Variants in ZNF607 observed in about 807,000 individuals in gnomAD.
ZNF607 encodes zinc finger protein 607.
A neutral mutation model predicts 12.8 loss-of-function variants in ZNF607; 5 were observed. The ratio of observed to expected loss-of-function variants is 0.39; its 90% CI spans 0.20 to 0.82. The LOEUF (loss-of-function observed/expected upper bound fraction) is 0.82, where lower values mean the gene tolerates loss of function less well. Ranked by LOEUF, ZNF607 falls within the 40% of genes least tolerant of loss-of-function variation. The pLI, the probability that ZNF607 is intolerant of heterozygous loss-of-function variation, is 0.39. For missense variants in ZNF607, 851 were observed against 859.2 expected, an observed-to-expected ratio of 0.99 and a Z score of 0.12; for synonymous variants, 287 against 276.2, an observed-to-expected ratio of 1.04 and a Z score of -0.39.
Position 37,698,986 on chromosome 19 carries a change from C to T in ZNF607, c.1145G>A (p.Arg382Gln), listed in dbSNP as rs367919912. Reference protein sequence around the residue: ...KAFSVHGRLTRHQGIHSGKKP... With the variant: ...KAFSVHGRLTQHQGIHSGKKP... The stretch of plus-strand genomic sequence containing the variant: ...CTTACCACTATGAATACCCTGATGT[C>T]GAGTAAGTCGTCCATGCACACTAAA... The change falls in exon 5 of 5, where the codon CGA becomes CAA. Residue 382 changes from arginine (R) to glutamine (Q), a missense_variant. Coordinates refer to ENST00000355202, the MANE Select transcript of ZNF607 (RefSeq NM_032689.5). The T allele has an allele frequency of 3.1e-6, 5 of 1,613,540 alleles. No individual in the cohort carries two copies. The highest frequency in any genetic ancestry group is 2.7e-5 in the African/African-American group (2 of 74,820).
chr19:37,699,155 TG>T lies in ZNF607; in HGVS notation c.975del (p.Met326CysfsTer199). On this transcript the variant is annotated frameshift_variant, in exon 5 of 5. Transcript: ENST00000355202. LOFTEE classifies it low-confidence loss of function (END_TRUNC). ...GKGFTCRYQL[T>X]MHQRIYSGEK... Reference sequence around the variant, plus strand: ...TCCCCTGAATAAATTCTCTGATGCATGGTAAGTTGATACCTACATGTAAAGC... The same window carrying T: ...TCCCCTGAATAAATTCTCTGATGCATGTAAGTTGATACCTACATGTAAAGC... 1.2e-6 allele frequency: 2 copies of T among 1,614,208 alleles called. No individual in the cohort carries two copies. The highest frequency in any genetic ancestry group is 1.7e-6 in the Non-Finnish European group (2 of 1,180,020).
Position 37,699,273 on chromosome 19 carries a change from A to ACATT in ZNF607, c.854_857dup (p.Cys286Ter). On this transcript the variant is annotated stop_gained and frameshift_variant, in exon 5 of 5. Coordinates refer to ENST00000355202, the MANE Select transcript of ZNF607 (RefSeq NM_032689.5). LOFTEE classifies it low-confidence loss of function (END_TRUNC). ...GGGAAAACTGACGAAAGGCCTTTCC[A>ACATT]CATTCCTTACATTCATGTGGCTTCT... 1 of 1,614,066 alleles carries ACATT rather than the reference A, an allele frequency of 6.2e-7. No individual in the cohort carries two copies. The highest frequency in any genetic ancestry group is 8.5e-7 in the Non-Finnish European group (1 of 1,180,008).
chr19:37,697,638 G>A lies in ZNF607; in HGVS notation c.*402C>T, dbSNP rs1202693463. 2 of 366,346 alleles carry A rather than the reference G, an allele frequency of 5.5e-6. No individual in the cohort carries two copies. The highest frequency in any genetic ancestry group is 1.0e-5 in the Non-Finnish European group (2 of 199,656). The allele number at this position is 366,346 out of a possible 1,614,324, so 22.7% of individuals were successfully genotyped here. ...TCCCATCATCGCTTATATCAACAGA[G>A]GTTTCCTGTGTAATGGCTTTTTCCA... On this transcript the variant is annotated 3_prime_UTR_variant, in exon 5 of 5. Transcript: ENST00000355202.
intron 1 of ZNF607, among the ~76,000 whole-genome samples, chr19:37,712,235 C>A (rs759687237): frequency 6.6e-6 from 1 of 152,118 alleles, no homozygotes; most frequent in African/African-American, 2.4e-5. Flanking sequence ...GAGAAAAATT[C>A]AAGGACATGA....
chr19:37,708,290 G>A (rs1327913518), intron 3 of ZNF607, among the ~76,000 whole-genome samples: 1 of 151,538 alleles, frequency 6.6e-6, no homozygotes, highest in Non-Finnish European at 1.5e-5. Flanking sequence ...CCGCCTCCCA[G>A]GTTAAAGTGA....
chr19:37,699,869 T>C lies in ZNF607; in HGVS notation c.262A>G (p.Ser88Gly). The C allele has an allele frequency of 6.3e-7, 1 of 1,593,298 alleles. No homozygotes were observed. Among genetic ancestry groups the C allele is most frequent in the Non-Finnish European group, 8.5e-7 (1 of 1,171,096 alleles). ...CTATAAAGCTGCATTTTCCCATCGC[T>C]GATTATTTCACATCTTGAATCCAAA... ...TDLDSRCEII[S>G]DGKMQLYRKH... Residue 88 changes from serine (S) to glycine (G), a missense_variant, in exon 5 of 5, where the codon AGC becomes GGC. Ser to Gly is a moderately conservative substitution (Grantham distance 56). Coordinates refer to ENST00000355202, the MANE Select transcript of ZNF607 (RefSeq NM_032689.5).
chr19:37,717,331 G>A (rs1387880802), intron 1 of ZNF607, among the ~76,000 whole-genome samples: 1 of 151,974 alleles, frequency 6.6e-6, no homozygotes, highest in Non-Finnish European at 1.5e-5. Flanking sequence ...GACTACAGGC[G>A]CCCACCACCA....
intron 4 of ZNF607, among the ~76,000 whole-genome samples, chr19:37,700,152 C>A (rs1360072310): frequency 1.3e-5 from 2 of 152,136 alleles, no homozygotes; most frequent in Non-Finnish European, 2.9e-5. Flanking sequence ...GGTGTAAATA[C>A]TCCCACTGAG....
At chr19:37,707,757 G>C (rs1043584402) in intron 4 of ZNF607, among the ~76,000 whole-genome samples, 157 bp downstream of exon 4, 3 of 152,140 alleles carry the variant, frequency 2.0e-5, no homozygotes, top group African/African-American at 7.2e-5. Context: ...GCTATTTCAT[G>C]CTGAGATATC....
chr19:37,707,747 G>C (rs929079726), intron 4 of ZNF607, among the ~76,000 whole-genome samples, 167 bp downstream of exon 4: 2 of 152,124 alleles, frequency 1.3e-5, no homozygotes, highest in African/African-American at 4.8e-5. Flanking sequence ...GCCTTCATTG[G>C]CTATTTCATG....
chr19:37,708,129 G>A, intron 3 of ZNF607, 117 bp from the exon 4 acceptor site: 1 of 679,498 alleles, frequency 1.5e-6, no homozygotes, highest in Non-Finnish European at 2.3e-6. Flanking sequence ...TTAGAGAAGA[G>A]TGAGGGAAAT....
In ZNF607 at chr19:37,719,550, G is replaced by T. The variant is rs17306508; in HGVS notation, c.-356C>A. On this transcript the variant is annotated 5_prime_UTR_variant, in exon 1 of 5. It adds an upstream start codon to the 5' untranslated region. Transcript: ENST00000355202. ...GCAGTGACCTGCGCCGCCTTCTTCA[G>T]GTGGAACCAAAAGGTCCCGGAACCG... The T allele has an allele frequency of 0.15, 23,288 of 152,448 alleles. 2,141 individuals are homozygous for T. Among genetic ancestry groups the T allele is most frequent in the Non-Finnish European group, 0.21 (14,481 of 68,168 alleles). The allele number at this position is 152,448 out of a possible 1,614,324, so 9.4% of individuals were successfully genotyped here.
chr19:37,696,775 G>T lies in ZNF607; in HGVS notation c.*1265C>A. 2 of 1,340,618 alleles carry T rather than the reference G, an allele frequency of 1.5e-6. No individual in the cohort carries two copies. The highest frequency in any genetic ancestry group is 2.1e-6 in the Non-Finnish European group (2 of 939,044). 83.0% of individuals were successfully genotyped at this position (1,340,618 alleles called of 1,614,324 possible). A position where few individuals can be genotyped will look rare whatever the true frequency, so the allele number is the denominator to read the frequency against. On this transcript the variant is annotated 3_prime_UTR_variant, in exon 5 of 5. Coordinates refer to ENST00000355202, the MANE Select transcript of ZNF607 (RefSeq NM_032689.5). ...GGCCAGTGAGTTGGCGATCAGCTCA[G>T]CTGCCTTGGAGTCACCCTCAGCAGA...
intron 3 of ZNF607, 79 bp from the exon 4 acceptor site, chr19:37,708,091 A>G: frequency 8.9e-7 from 1 of 1,119,990 alleles, no homozygotes. Context: ...GCAATAAATG[A>G]AAGGTCAAAG....
chr19:37,701,959 T>C (rs1438633875), intron 4 of ZNF607, among the ~76,000 whole-genome samples: 1 of 152,110 alleles, frequency 6.6e-6, no homozygotes. Context: ...TCAATAGAAA[T>C]TATTCAACTT....
intron 1 of ZNF607, among the ~76,000 whole-genome samples, chr19:37,712,398 C>A (rs548348788): frequency 1.3e-5 from 2 of 152,152 alleles, no homozygotes; most frequent in African/African-American, 4.8e-5. Context: ...GTAGTCCCAG[C>A]TACCCAGGAG....
intron 4 of ZNF607, among the ~76,000 whole-genome samples, chr19:37,705,926 C>G (rs749166508): frequency 6.6e-6 from 1 of 152,142 alleles, no homozygotes; most frequent in East Asian, 1.9e-4. Flanking sequence ...TGATGCCAGG[C>G]ATGGTGGCTT....
At chr19:37,714,311 A>AAACAACAACAAC (rs376072397) in intron 1 of ZNF607, among the ~76,000 whole-genome samples, 12,433 of 139,372 alleles carry the variant, frequency 0.089, 659 homozygotes, top group African/African-American at 0.12. Context: ...CTCCGTCTCA[A>AAACAACAACAAC]AACAACAACA....
chr19:37,714,808 G>T (rs1179419959), intron 1 of ZNF607, among the ~76,000 whole-genome samples: 1 of 152,098 alleles, frequency 6.6e-6, no homozygotes, highest in Non-Finnish European at 1.5e-5. Flanking sequence ...AAATATGATA[G>T]CTACTGTAAT....
Sources: allele counts gnomAD v4.1 joint callset (sites outside exome capture counted in the v4.1 genomes callset), GRCh38; gene constraint gnomAD v4.1.1; transcripts MANE v1.5; gene names NCBI Gene and HGNC (gene_info 2026-07-23, HGNC 2026-07-21).